Variants in SLC27A6 observed in about 807,000 individuals in gnomAD.
SLC27A6 encodes the protein solute carrier family 27 member 6, also known as long-chain fatty acid transport protein 6.
Under a neutral mutation model 63.9 loss-of-function variants are expected in SLC27A6, and 74 were observed. The ratio of observed to expected loss-of-function variants is 1.16; its 90% confidence interval spans 0.96 to 1.40. The LOEUF is 1.40. SLC27A6 is among the 40% of genes most tolerant of loss of function. The pLI, the probability that SLC27A6 is intolerant of heterozygous loss-of-function variation, is 0.00. For missense variants in SLC27A6, 794 were observed against 732.9 expected, an observed-to-expected ratio of 1.08 and a Z score of -0.96; for synonymous variants, 287 against 260.8, an observed-to-expected ratio of 1.10 and a Z score of -0.97.
intron 8 of SLC27A6, 93 bp downstream of exon 8, chr5:129,028,535 A>G: frequency 1.4e-6 from 1 of 718,470 alleles, no homozygotes; most frequent in South Asian, 1.8e-5. Flanking sequence ...CAACATTTTA[A>G]TTTTTGTGTA....
chr5:128,990,332 T>A lies in SLC27A6; in HGVS notation c.845-8T>A. On this transcript the variant is annotated splice_region_variant and splice_polypyrimidine_tract_variant and intron_variant, in intron 3 of 9. Coordinates refer to ENST00000262462, the MANE Select transcript of SLC27A6 (RefSeq NM_001017372.3). Reference sequence around the variant, plus strand: ...TTCCCTAGTGCCTGTTTTTGTCTTTTCTTATAGGTGCCACTTGTGTGTTAA... The same window carrying A: ...TTCCCTAGTGCCTGTTTTTGTCTTTACTTATAGGTGCCACTTGTGTGTTAA... 6.2e-7 allele frequency: 1 copy of A among 1,607,662 alleles called. No homozygotes were observed.
At chr5:129,029,553 A>T in intron 8 of SLC27A6, 24 bp from the exon 9 acceptor site, 1 of 1,509,992 alleles carries the variant, frequency 6.6e-7, no homozygotes, top group African/African-American at 1.4e-5. Context: ...CTTAAAAATG[A>T]CTCTATTTCA....
intron 1 of SLC27A6, among the ~76,000 whole-genome samples, chr5:128,982,070 T>A (rs1468876188): frequency 6.6e-6 from 1 of 152,110 alleles, no homozygotes; most frequent in Non-Finnish European, 1.5e-5. Flanking sequence ...TGCTTCAGCC[T>A]CCTAAGGTGC....
At chr5:128,980,249 G>T (rs185908664) in intron 1 of SLC27A6, among the ~76,000 whole-genome samples, 2 of 152,286 alleles carry the variant, frequency 1.3e-5, no homozygotes, top group East Asian at 3.9e-4. Context: ...AAGGAGGACT[G>T]ATTCTGGGTC....
intron 9 of SLC27A6, among the ~76,000 whole-genome samples, chr5:129,032,022 A>T (rs1752432454): frequency 6.6e-6 from 1 of 151,956 alleles, no homozygotes; most frequent in African/African-American, 2.4e-5. Context: ...GGGTCTCTAC[A>T]TGTCATCTCA....
In SLC27A6 at chr5:128,985,132, G is replaced by C; in HGVS notation, c.482-1G>C. The stretch of plus-strand genomic sequence containing the variant: ...ACTCTTCCCAACCCTTTGGCTTTTA[G>C]ATTTGCTTGGAACGGTAGAAGAAAT... On this transcript the variant is annotated splice_acceptor_variant, in intron 1 of 9. Coordinates refer to ENST00000262462, the MANE Select transcript of SLC27A6 (RefSeq NM_001017372.3). LOFTEE classifies it high-confidence loss of function. 6.2e-7 allele frequency: 1 copy of C among 1,612,190 alleles called. No homozygotes were observed. Among genetic ancestry groups the C allele is most frequent in the Non-Finnish European group, 8.5e-7 (1 of 1,179,130 alleles).
intron 2 of SLC27A6, among the ~76,000 whole-genome samples, chr5:128,985,859 T>C (rs1750769342): frequency 6.6e-6 from 1 of 152,214 alleles, no homozygotes. Context: ...AAGCACCTGT[T>C]GCTGGCTCTC....
intron 9 of SLC27A6, among the ~76,000 whole-genome samples, chr5:129,031,220 T>C (rs1214267704): frequency 1.3e-5 from 2 of 152,036 alleles, no homozygotes; most frequent in African/African-American, 4.8e-5. Context: ...GTATTCACTA[T>C]AGTTAGAAAT....
chr5:128,976,018 C>G (rs1750364180), intron 1 of SLC27A6, among the ~76,000 whole-genome samples: 1 of 151,602 alleles, frequency 6.6e-6, no homozygotes, highest in Non-Finnish European at 1.5e-5. Context: ...AATTGTTGAT[C>G]TAGCTGAGTC....
chr5:128,966,700 C>G lies in SLC27A6; in HGVS notation c.481+82C>G, dbSNP rs980031295. On this transcript the variant is annotated intron_variant, in intron 1 of 9. Coordinates refer to ENST00000262462, the MANE Select transcript of SLC27A6 (RefSeq NM_001017372.3). ...CCTTTTTTTTTTCTTTAGGATAATT[C>G]GTAACTAATATTTTGGGTGAGTGAA... 7 of 1,315,984 alleles carry G rather than the reference C, an allele frequency of 5.3e-6. No homozygotes were observed. In the Middle Eastern group the frequency reaches 6.1e-4, roughly 114 times the overall value. 81.5% of individuals were successfully genotyped at this position (1,315,984 alleles called of 1,614,324 possible). A position where few individuals can be genotyped will look rare whatever the true frequency, so the allele number is the denominator to read the frequency against.
chr5:128,969,971 G>A (rs1168846829), intron 1 of SLC27A6, among the ~76,000 whole-genome samples: 2 of 152,164 alleles, frequency 1.3e-5, no homozygotes, highest in African/African-American at 2.4e-5. Context: ...TTTTTAGCAT[G>A]AAGGGCTGTT....
At chr5:129,030,644 T>C (rs1436826424) in intron 9 of SLC27A6, among the ~76,000 whole-genome samples, 1 of 151,970 alleles carries the variant, frequency 6.6e-6, no homozygotes, top group South Asian at 2.1e-4. Context: ...AAAGAAGTAA[T>C]ATATTTTTAT....
intron 4 of SLC27A6, among the ~76,000 whole-genome samples, chr5:128,999,216 A>AT (rs1193003235): frequency 9.2e-5 from 14 of 152,236 alleles, no homozygotes; most frequent in African/African-American, 9.6e-5. Context: ...GCTTCACAAG[A>AT]TTTTTTTATT....
At chr5:128,978,733 C>T (rs1227429075) in intron 1 of SLC27A6, among the ~76,000 whole-genome samples, 1 of 152,126 alleles carries the variant, frequency 6.6e-6, no homozygotes, top group African/African-American at 2.4e-5. Context: ...TTTGAAGCTA[C>T]ATGGAAATGC....
intron 1 of SLC27A6, among the ~76,000 whole-genome samples, chr5:128,978,644 A>C (rs1750473552): frequency 1.3e-5 from 2 of 152,146 alleles, no homozygotes; most frequent in African/African-American, 4.8e-5. Flanking sequence ...CTTCTGTATA[A>C]CTTATGAAAA....
intron 4 of SLC27A6, among the ~76,000 whole-genome samples, chr5:129,002,452 C>T (rs1751371003): frequency 6.6e-6 from 1 of 151,730 alleles, no homozygotes; most frequent in African/African-American, 2.4e-5. Flanking sequence ...ATTGTTCCCT[C>T]TCTTGTTCCT....
At chr5:129,016,106 G>A (rs1479816140) in intron 5 of SLC27A6, 27 bp downstream of exon 5, 1 of 1,514,000 alleles carries the variant, frequency 6.6e-7, no homozygotes. Flanking sequence ...CCTTATTAAA[G>A]AAATACATCG....
At chr5:128,989,440 A>G (rs1750900258) in intron 3 of SLC27A6, among the ~76,000 whole-genome samples, 1 of 152,210 alleles carries the variant, frequency 6.6e-6, no homozygotes, top group Non-Finnish European at 1.5e-5. Flanking sequence ...ATTTGTCTAA[A>G]ATGCTGTAAT....
intron 4 of SLC27A6, among the ~76,000 whole-genome samples, chr5:129,010,498 T>G (rs1413102867): frequency 6.6e-6 from 1 of 152,180 alleles, no homozygotes; most frequent in Admixed American, 6.5e-5. Context: ...TGATTTTCTC[T>G]GGCTGCAAGC....
Sources: allele counts gnomAD v4.1 joint callset (sites outside exome capture counted in the v4.1 genomes callset), GRCh38; gene constraint gnomAD v4.1.1; transcripts MANE v1.5; gene names NCBI Gene and HGNC (gene_info 2026-07-23, HGNC 2026-07-21).